The following MKKS variants were observed in gnomAD, a reference collection of about 807,000 sequenced individuals.
MKKS encodes the protein MKKS centrosomal shuttling protein, also known as molecular chaperone MKKS.
A neutral mutation model predicts 33.2 loss-of-function variants in MKKS; 29 were observed. The observed-to-expected ratio is 0.87, with a 90% CI of 0.65 to 1.19. The LOEUF is 1.19. Among genes scored for constraint, MKKS ranks in the 50% most tolerant of loss-of-function variants. MKKS has a pLI of 0.00. For synonymous variants in MKKS, 260 were observed against 244.0 expected (o/e 1.07, Z -0.61); for missense variants, 661 against 662.3 (o/e 1.00, Z 0.02).
chr20:10,406,250 A>G (rs2122221401), intron 5 of MKKS, among the ~76,000 whole-genome samples: 1 of 152,338 alleles, frequency 6.6e-6, no homozygotes, highest in African/African-American at 2.4e-5. Flanking sequence ...TGGTTCCACT[A>G]TTTAAAAATG....
rs758821712 is a variant in MKKS at position 10,405,647 on chromosome 20, C to G, written c.1313G>C (p.Cys438Ser). ...AATTAATTGAAGTTCTGTTTGAGTA[C>G]ATTCATCATCTTTGAGAATGCTTTC... ...DPESILKDDE[C>S]TQTELQLIAE... The change falls in exon 6 of 6, where the codon TGT becomes TCT. Residue 438 changes from cysteine to serine, a missense_variant. Physicochemically the swap from Cys to Ser is moderately radical, Grantham distance 112. Transcript: ENST00000347364. 1 of 1,614,022 alleles carries G rather than the reference C, an allele frequency of 6.2e-7. No individual in the cohort carries two copies.
intron 2 of MKKS, among the ~76,000 whole-genome samples, chr20:10,414,852 T>C (rs531311236): frequency 6.6e-6 from 1 of 152,330 alleles, no homozygotes; most frequent in Non-Finnish European, 1.5e-5. Flanking sequence ...TCAGAGCTAA[T>C]TTTCTATCAT....
intron 2 of MKKS, among the ~76,000 whole-genome samples, chr20:10,418,083 A>C (rs1390966536): frequency 6.6e-6 from 1 of 152,198 alleles, no homozygotes; most frequent in Non-Finnish European, 1.5e-5. Context: ...GTAGGTAAAG[A>C]GTCACTGTTA....
chr20:10,413,441 G>A lies in MKKS; in HGVS notation c.74C>T (p.Thr25Ile), dbSNP rs1277745684. ...EPLTTERVRT[T>I]LSVLKRIVTS... ...TACAATTCTTTTCAAGACAGAAAGT[G>A]TGGTCCTGACTCTCTCAGTTGTCAG... is the stretch of plus-strand genomic sequence containing the variant. The change falls in exon 3 of 6, where the codon ACA (threonine) becomes ATA (isoleucine). Residue 25 changes from threonine (T) to isoleucine (I), a missense_variant. Transcript: ENST00000347364. 2 of 1,613,802 alleles carry A rather than the reference G, an allele frequency of 1.2e-6. No individual in the cohort carries two copies. Among genetic ancestry groups the A allele is most frequent in the Non-Finnish European group, 1.7e-6 (2 of 1,179,706 alleles).
rs537411174 is a variant in MKKS, at chr20:10,403,012, T to C, written c.*2235A>G. On this transcript the variant is annotated 3_prime_UTR_variant, in exon 6 of 6. Coordinates refer to ENST00000347364, the MANE Select transcript of MKKS (RefSeq NM_170784.3). ...GCTGGCTTTTTTGCATCAGGGTCTC[T>C]CGTGTGGCTCCAGTGGTAGGGCTAT... 1.3e-5 allele frequency: 2 copies of C among 152,322 alleles called. No homozygotes were observed. The highest frequency in any genetic ancestry group is 2.1e-4 in the South Asian group (1 of 4,824). 9.4% of individuals were successfully genotyped at this position (152,322 alleles called of 1,614,324 possible).
Position 10,412,719 on chromosome 20 carries a change from C to T in MKKS, c.796G>A (p.Val266Ile). ...TCCAAGACTGCATTTTCAAGAGAAA[C>T]CCCATAACTGACCACCACAGTTCCT... ...GEGTVVVSYG[V>I]SLENAVLDQL... is the part of the protein sequence containing the mutation. The change falls in exon 3 of 6, where the codon GTT becomes ATT. Residue 266 changes from valine (V) to isoleucine (I), a missense_variant. Physicochemically the swap from Val to Ile is conservative, Grantham distance 29. Transcript: ENST00000347364. The T allele has an allele frequency of 6.2e-7, 1 of 1,614,152 alleles. No homozygotes were observed. The highest frequency in any genetic ancestry group is 8.5e-7 in the Non-Finnish European group (1 of 1,180,022).
intron 1 of MKKS, among the ~76,000 whole-genome samples, chr20:10,432,781 C>T (rs6039928): frequency 0.11 from 9,509 of 88,186 alleles, 488 homozygotes; most frequent in Middle Eastern, 0.21. Context: ...CAGAGCGAGA[C>T]TCTTTGTCAA....
intron 3 of MKKS, among the ~76,000 whole-genome samples, chr20:10,410,484 AGCCAGGCGTGGT>A (rs1321448367): frequency 2.6e-5 from 4 of 151,816 alleles, no homozygotes; most frequent in Non-Finnish European, 5.9e-5. Flanking sequence ...ACAAAAAACT[AGCCAGGCGTGGT>A]GGCGTGTGCC....
At chr20:10,428,099 G>A (rs2065028595) in intron 1 of MKKS, among the ~76,000 whole-genome samples, 1 of 152,200 alleles carries the variant, frequency 6.6e-6, no homozygotes, top group Non-Finnish European at 1.5e-5. Flanking sequence ...ACTAATTGTA[G>A]GCAGTCTCAA....
At chr20:10,417,792 T>TA (rs2064951008) in intron 2 of MKKS, among the ~76,000 whole-genome samples, 1 of 151,938 alleles carries the variant, frequency 6.6e-6, no homozygotes, top group Admixed American at 6.6e-5. Flanking sequence ...AAAAGTAAAT[T>TA]AAAAAAACAA....
In MKKS at chr20:10,413,356, G is replaced by A. The variant is rs775547196; in HGVS notation, c.159C>T (p.Tyr53=). The change falls in exon 3 of 6, where the codon TAC becomes TAT. Residue 53 remains tyrosine (Y), a synonymous_variant. Transcript: ENST00000347364. Reference sequence around the variant, plus strand: ...CTGAGGACTGTGAGGTTGTACACACGTAACCTCCAAAGCCATTGTGCAGCT... The same window carrying A: ...CTGAGGACTGTGAGGTTGTACACACATAACCTCCAAAGCCATTGTGCAGCT... ...LKQLHNGFGG[Y]VCTTSQSSAL... The A allele has an allele frequency of 5.6e-6, 9 of 1,613,806 alleles. No individual in the cohort carries two copies. The highest frequency in any genetic ancestry group is 5.0e-5 in the Admixed American group (3 of 60,006).
chr20:10,416,137 G>A (rs977260785), intron 2 of MKKS, among the ~76,000 whole-genome samples: 3 of 151,054 alleles, frequency 2.0e-5, no homozygotes, highest in South Asian at 2.1e-4. Context: ...TTGGATGCAC[G>A]GGCTTGGCAG....
chr20:10,426,411 CTTT>C (rs894191508), intron 1 of MKKS, among the ~76,000 whole-genome samples: 29 of 112,384 alleles, frequency 2.6e-4, no homozygotes, highest in Non-Finnish European at 4.2e-4. Context: ...GCATGTTGTT[CTTT>C]TTTCTTTTTT....
intron 3 of MKKS, 25 bp downstream of exon 3, chr20:10,412,505 G>A (rs1170345455): frequency 1.9e-6 from 3 of 1,610,386 alleles, no homozygotes; most frequent in Non-Finnish European, 2.5e-6. Context: ...AACTGTAAGA[G>A]GCAAAAGCAA....
chr20:10,412,689 G>C lies in MKKS; in HGVS notation c.826C>G (p.Leu276Val), dbSNP rs2064899307. The C allele has an allele frequency of 6.2e-7, 1 of 1,614,064 alleles. No individual in the cohort carries two copies. The highest frequency in any genetic ancestry group is 1.3e-5 in the African/African-American group (1 of 74,920). ...VSLENAVLDQ[L>V]LNLGRQLISD... ...ATTAGCTGCCTTCCTAGGTTAAGCA[G>C]CTGGTCCAAGACTGCATTTTCAAGA... is the stretch of plus-strand genomic sequence containing the variant. Residue 276 changes from leucine (L) to valine (V), a missense_variant, in exon 3 of 6, where the codon CTG becomes GTG. Physicochemically the swap from Leu to Val is conservative, Grantham distance 32 (BLOSUM62 1). Coordinates refer to ENST00000347364, the MANE Select transcript of MKKS (RefSeq NM_170784.3).
At chr20:10,420,827 A>G (rs886124468) in intron 1 of MKKS, 69 bp from the exon 2 acceptor site, 9 of 152,238 alleles carry the variant, frequency 5.9e-5, no homozygotes, top group African/African-American at 2.2e-4. Flanking sequence ...TTACATTTCT[A>G]AATCACTACA....
chr20:10,409,922 G>A (rs1349020715), intron 3 of MKKS, among the ~76,000 whole-genome samples: 1 of 137,006 alleles, frequency 7.3e-6, no homozygotes, highest in African/African-American at 2.7e-5. Flanking sequence ...AGTGAGCAGT[G>A]AGCTGAGATT....
In MKKS at chr20:10,401,467, A is replaced by G. The variant is rs1191168056; in HGVS notation, c.*3780T>C. ...GAGATAGCTTTATTTAGACAGCTGA[A>G]ACAGGGCCTTGTAGGAGATGTTTAG... On this transcript the variant is annotated 3_prime_UTR_variant, in exon 6 of 6. Transcript: ENST00000347364. The G allele has an allele frequency of 6.6e-6, 1 of 152,186 alleles. No homozygotes were observed. The highest frequency in any genetic ancestry group is 2.4e-5 in the African/African-American group (1 of 41,460). The allele number at this position is 152,186 out of a possible 1,614,324, so 9.4% of individuals were successfully genotyped here. A position where few individuals can be genotyped will look rare whatever the true frequency, so the allele number is the denominator to read the frequency against.
chr20:10,408,535 C>T, intron 4 of MKKS, 93 bp downstream of exon 4: 2 of 1,314,056 alleles, frequency 1.5e-6, no homozygotes, highest in Non-Finnish European at 2.2e-6. Context: ...TCTATACTAC[C>T]TAGGGAAGCT....
Sources: gnomAD v4.1 joint callset for allele counts (sites outside exome capture counted in the v4.1 genomes callset) on GRCh38, gnomAD v4.1.1 for gene constraint, MANE v1.5 for transcripts, NCBI Gene and HGNC (gene_info 2026-07-23, HGNC 2026-07-21) for gene names.